The following PACRG variants were observed in gnomAD, a reference collection of about 807,000 sequenced individuals.
PACRG encodes parkin coregulated gene protein.
Under a neutral mutation model 29.7 loss-of-function variants are expected in PACRG, and 29 were observed. That is an observed-to-expected ratio of 0.98 (90% confidence interval 0.73 to 1.33). PACRG has a LOEUF of 1.33. PACRG is among the 40% of genes most tolerant of loss of function. The pLI is 0.00. For missense variants in PACRG, 279 were observed against 316.2 expected (o/e 0.88, Z 0.89); for synonymous variants, 116 against 118.7 (o/e 0.98, Z 0.15).
chr6:162,957,412 C>A (rs1428584878), intron 2 of PACRG: 11 of 548,494 alleles, frequency 2.0e-5, no homozygotes, highest in Non-Finnish European at 1.3e-5. Flanking sequence ...TCTCACAGCA[C>A]GGACCCCTCA....
intron 1 of PACRG, among the ~76,000 whole-genome samples, chr6:162,778,418 A>G (rs1783821387): frequency 6.6e-6 from 1 of 152,176 alleles, no homozygotes; most frequent in African/African-American, 2.4e-5. Flanking sequence ...TATTTAACAA[A>G]CACGTTTAAA....
chr6:163,204,329 T>A (rs575343730), intron 4 of PACRG, among the ~76,000 whole-genome samples: 3 of 152,362 alleles, frequency 2.0e-5, no homozygotes, highest in Admixed American at 6.5e-5. Context: ...TAAATTTGAA[T>A]CCACCTTTAT....
intron 2 of PACRG, among the ~76,000 whole-genome samples, chr6:162,981,905 A>ATT (rs61345315): frequency 8.1e-6 from 1 of 124,168 alleles, no homozygotes; most frequent in African/African-American, 2.7e-5. Flanking sequence ...CTGGTCCTGG[A>ATT]TTTTTTTTTT....
At chr6:162,918,574 G>A (rs2128089844) in intron 2 of PACRG, among the ~76,000 whole-genome samples, 1 of 152,216 alleles carries the variant, frequency 6.6e-6, no homozygotes, top group South Asian at 2.1e-4. Context: ...AGGAGCATAG[G>A]TATTCAAGAA....
intron 4 of PACRG, among the ~76,000 whole-genome samples, chr6:163,237,868 C>T: frequency 6.6e-6 from 1 of 152,166 alleles, no homozygotes; most frequent in Non-Finnish European, 1.5e-5. Flanking sequence ...TTATAGTTAC[C>T]AGTTCCCATT....
At chr6:162,915,986 G>T (rs927773234) in intron 2 of PACRG, among the ~76,000 whole-genome samples, 1 of 152,058 alleles carries the variant, frequency 6.6e-6, no homozygotes, top group African/African-American at 2.4e-5. Context: ...CATTTCTATT[G>T]CTTATCCTTC....
At chr6:162,876,893 G>A (rs186683748) in intron 2 of PACRG, among the ~76,000 whole-genome samples, 5 of 152,244 alleles carry the variant, frequency 3.3e-5, no homozygotes, top group Admixed American at 6.5e-5. Context: ...TGTATAAGGT[G>A]TAAGGAAGGG....
At position 162,888,743 on chromosome 6, in the gene PACRG, G is replaced by T. The variant is rs1307823034; in HGVS notation, c.291+74462G>T. 3.3e-5 allele frequency among the ~76,000 whole-genome samples: 5 copies of T among 152,092 alleles called. No homozygotes were observed. In the East Asian group the frequency reaches 7.7e-4, roughly 23 times the overall value. On this transcript the variant is annotated intron_variant, in intron 2 of 4. Transcript: ENST00000366888. ...TTCCATAGCAGTCATTTTCATACAGGCCCTGGCTCCCATTAGGCAACCTTC... is the reference window on the plus strand; with the variant it reads ...TTCCATAGCAGTCATTTTCATACAGTCCCTGGCTCCCATTAGGCAACCTTC...
intron 4 of PACRG, among the ~76,000 whole-genome samples, chr6:163,116,196 G>A (rs2128322082): frequency 6.6e-6 from 1 of 152,300 alleles, no homozygotes; most frequent in African/African-American, 2.4e-5. Context: ...TCTGCCTCAG[G>A]AAACTTACAA....
At chr6:163,272,225 G>T (rs1264575858) in intron 4 of PACRG, among the ~76,000 whole-genome samples, 1 of 152,026 alleles carries the variant, frequency 6.6e-6, no homozygotes, top group Non-Finnish European at 1.5e-5. Flanking sequence ...TTTTAGTAGA[G>T]ACGGGGTTTC....
chr6:162,892,622 T>C (rs973169983), intron 2 of PACRG, among the ~76,000 whole-genome samples: 1 of 152,246 alleles, frequency 6.6e-6, no homozygotes, highest in East Asian at 1.9e-4. Context: ...CGCATTGCCA[T>C]GGACTGAGAT....
chr6:163,204,743 G>A (rs764774954), intron 4 of PACRG, among the ~76,000 whole-genome samples: 1 of 152,142 alleles, frequency 6.6e-6, no homozygotes, highest in African/African-American at 2.4e-5. Flanking sequence ...GGGCAATCGG[G>A]CATGAGAAAG....
intron 4 of PACRG, chr6:163,310,615 A>C (rs1193328447): frequency 6.6e-6 from 1 of 152,100 alleles, no homozygotes; most frequent in Admixed American, 6.5e-5. Flanking sequence ...TGGCCACCAA[A>C]CCGTCCTTCC....
intron 2 of PACRG, among the ~76,000 whole-genome samples, chr6:162,847,622 T>A (rs889344058): frequency 1.3e-5 from 2 of 151,540 alleles, no homozygotes; most frequent in South Asian, 4.2e-4. Context: ...ATGGACGTGG[T>A]CCCCAAGGTA....
chr6:163,065,916 G>C (rs531115429), intron 3 of PACRG, among the ~76,000 whole-genome samples: 9 of 152,282 alleles, frequency 5.9e-5, no homozygotes, highest in African/African-American at 2.2e-4. Flanking sequence ...TAAAAATAAG[G>C]CCAGAAAAGA....
intron 4 of PACRG, among the ~76,000 whole-genome samples, chr6:163,218,507 G>T (rs575368246): frequency 6.6e-6 from 1 of 152,042 alleles, no homozygotes; most frequent in Non-Finnish European, 1.5e-5. Context: ...CACTGACCCC[G>T]TCCCCTCTGC....
intron 2 of PACRG, among the ~76,000 whole-genome samples, chr6:162,879,335 C>T (rs1252002870): frequency 6.6e-6 from 1 of 152,148 alleles, no homozygotes; most frequent in East Asian, 1.9e-4. Flanking sequence ...ATGTAACTCC[C>T]CTTCTTGCTC....
intron 4 of PACRG, among the ~76,000 whole-genome samples, chr6:163,284,037 C>A (rs963040056): frequency 6.6e-6 from 1 of 151,936 alleles, no homozygotes; most frequent in Admixed American, 6.6e-5. Flanking sequence ...CGCTCAAACC[C>A]AAGAGGCAGA....
intron 2 of PACRG, among the ~76,000 whole-genome samples, chr6:162,848,380 A>G (rs1186389589): frequency 6.6e-6 from 1 of 152,234 alleles, no homozygotes; most frequent in African/African-American, 2.4e-5. Flanking sequence ...ACAGCCTCTG[A>G]TCAGTGCACC....
Sources: gnomAD v4.1 joint callset for allele counts (sites outside exome capture counted in the v4.1 genomes callset) on GRCh38, gnomAD v4.1.1 for gene constraint, MANE v1.5 for transcripts, NCBI Gene and HGNC (gene_info 2026-07-23, HGNC 2026-07-21) for gene names.